Variants in SGSM1 observed in about 807,000 individuals in gnomAD.
SGSM1 encodes small G protein signaling modulator 1.
Under a neutral mutation model 133.8 loss-of-function variants are expected in SGSM1, and 73 were observed. The observed-to-expected ratio is 0.55, with a 90% CI of 0.45 to 0.66. The LOEUF (loss-of-function observed/expected upper bound fraction) is 0.66, where lower values mean the gene tolerates loss of function less well. Ranked by LOEUF, SGSM1 falls within the 30% of genes least tolerant of loss-of-function variation. SGSM1 has a pLI of 0.00. For missense variants in SGSM1, 1,213 were observed against 1,448.1 expected, an observed-to-expected ratio of 0.84 and a Z score of 2.64; for synonymous variants, 563 against 573.0, an observed-to-expected ratio of 0.98 and a Z score of 0.25.
chr22:24,819,446 T>C (rs537932496), intron 2 of SGSM1, among the ~76,000 whole-genome samples: 1 of 152,292 alleles, frequency 6.6e-6, no homozygotes, highest in Non-Finnish European at 1.5e-5. Context: ...TTTATATGCA[T>C]TAGTGTATGT....
At chr22:24,830,290 G>A (rs1929037452) in intron 2 of SGSM1, among the ~76,000 whole-genome samples, 1 of 152,164 alleles carries the variant, frequency 6.6e-6, no homozygotes, top group African/African-American at 2.4e-5. Context: ...CTTGGATCCC[G>A]ACCCTCAGGC....
In SGSM1 at chr22:24,884,080, C is replaced by T. The variant is rs1932473416; in HGVS notation, c.1523C>T (p.Thr508Ile). Residue 508 changes from threonine (T) to isoleucine (I), a missense_variant, in exon 15 of 25, where the codon ACC (threonine) becomes ATC (isoleucine). Coordinates refer to ENST00000400358, the MANE Select transcript of SGSM1 (RefSeq NM_001098497.3). ...CTGGCCTACTGCAGACACCTGTCCA[C>T]CGTGAGAACCCACCTATCAGCCCTG... ...GWLAYCRHLS[T>I]VRTHLSALVN... The T allele has an allele frequency of 1.2e-6, 2 of 1,613,084 alleles. No homozygotes were observed. The highest frequency in any genetic ancestry group is 1.3e-5 in the African/African-American group (1 of 74,912).
chr22:24,832,725 C>T (rs1259106473), intron 2 of SGSM1, among the ~76,000 whole-genome samples: 3 of 152,122 alleles, frequency 2.0e-5, no homozygotes, highest in Admixed American at 6.5e-5. Context: ...TAGGGCTGCC[C>T]TTACGGTACA....
Position 24,924,298 on chromosome 22 carries a change from C to G in SGSM1, c.*24C>G. ...GAGGGGCACCTCACCCCGGCAGCCT[C>G]AGCCAAGCTGCCCCTGCCCCGCTCC... On this transcript the variant is annotated 3_prime_UTR_variant, in exon 25 of 25. Transcript: ENST00000400358. 6.2e-7 allele frequency: 1 copy of G among 1,601,454 alleles called. No individual in the cohort carries two copies. The highest frequency in any genetic ancestry group is 8.6e-7 in the Non-Finnish European group (1 of 1,169,112).
At chr22:24,910,037 A>G (rs1315334612) in intron 21 of SGSM1, among the ~76,000 whole-genome samples, 1 of 152,224 alleles carries the variant, frequency 6.6e-6, no homozygotes, top group Non-Finnish European at 1.5e-5. Context: ...TTCTGATGCA[A>G]ACTACAATGT....
intron 2 of SGSM1, among the ~76,000 whole-genome samples, chr22:24,821,137 A>G (rs1928444814): frequency 6.6e-6 from 1 of 152,094 alleles, no homozygotes; most frequent in African/African-American, 2.4e-5. Context: ...CCTGGGTTCA[A>G]GCGATTCTCC....
chr22:24,842,305 C>G (rs1251403305), intron 2 of SGSM1, among the ~76,000 whole-genome samples: 1 of 152,196 alleles, frequency 6.6e-6, no homozygotes, highest in African/African-American at 2.4e-5. Context: ...ACACCAAATC[C>G]AGTCCTCATA....
chr22:24,923,874 G>C (rs1176907945), intron 24 of SGSM1, among the ~76,000 whole-genome samples: 1 of 152,076 alleles, frequency 6.6e-6, no homozygotes, highest in Non-Finnish European at 1.5e-5. Context: ...CACCTGCCTC[G>C]GCCTCCCAAG....
rs761227413 is a variant in SGSM1, at chr22:24,919,973, A to G, written c.3173A>G (p.Asp1058Gly). 18 of 1,608,590 alleles carry G rather than the reference A, an allele frequency of 1.1e-5. No homozygotes were observed. In the South Asian group the frequency reaches 1.7e-4, roughly 15 times the overall value. The change falls in exon 24 of 25, where the codon GAC (aspartate) becomes GGC (glycine). Residue 1058 changes from aspartate to glycine, a missense_variant. Transcript: ENST00000400358. ...IILENNMDFT[D>G]IIKFFNEMAE... ...TTGGAGAACAACATGGATTTCACAGACATCATCAAATTCTTTAATGGTACC... is the reference window on the plus strand; with the variant it reads ...TTGGAGAACAACATGGATTTCACAGGCATCATCAAATTCTTTAATGGTACC...
intron 4 of SGSM1, among the ~76,000 whole-genome samples, chr22:24,848,062 T>C (rs565556521): frequency 6.6e-6 from 1 of 152,214 alleles, no homozygotes; most frequent in African/African-American, 2.4e-5. Flanking sequence ...CTCCATCTTC[T>C]CTTCCATATC....
chr22:24,893,837 C>G (rs1451750367), intron 17 of SGSM1, among the ~76,000 whole-genome samples: 1 of 152,186 alleles, frequency 6.6e-6, no homozygotes, highest in Non-Finnish European at 1.5e-5. Context: ...ACCTTTTCTT[C>G]TGGGCCTCAG....
chr22:24,841,338 TA>T (rs1310163923), intron 2 of SGSM1, among the ~76,000 whole-genome samples: 1 of 152,098 alleles, frequency 6.6e-6, no homozygotes, highest in African/African-American at 2.4e-5. Flanking sequence ...ATCTCATTTT[TA>T]AAAAAAATGT....
intron 22 of SGSM1, among the ~76,000 whole-genome samples, chr22:24,913,895 G>T (rs1161838714): frequency 6.6e-6 from 1 of 152,020 alleles, no homozygotes; most frequent in Non-Finnish European, 1.5e-5. Context: ...GGTGGCTCAT[G>T]CCTGTAATCC....
intron 2 of SGSM1, among the ~76,000 whole-genome samples, chr22:24,833,918 C>G (rs992201852): frequency 6.6e-6 from 1 of 152,222 alleles, no homozygotes; most frequent in African/African-American, 2.4e-5. Context: ...CTAGAACTTT[C>G]CAAGGTTGGC....
At chr22:24,862,203 G>T (rs1931194911) in intron 9 of SGSM1, among the ~76,000 whole-genome samples, 1 of 152,108 alleles carries the variant, frequency 6.6e-6, no homozygotes, top group South Asian at 2.1e-4. Flanking sequence ...ACCCGTCTCG[G>T]CCTCCCAAAG....
chr22:24,891,669 GTCCT>G (rs1182514596), intron 16 of SGSM1, among the ~76,000 whole-genome samples: 1 of 152,130 alleles, frequency 6.6e-6, no homozygotes, highest in African/African-American at 2.4e-5. Context: ...ATTAGGTGAG[GTCCT>G]TCCCAGTTTC....
At chr22:24,920,043 C>T in intron 24 of SGSM1, 50 bp downstream of exon 24, 1 of 1,540,290 alleles carries the variant, frequency 6.5e-7, no homozygotes. Flanking sequence ...TTCTGGAGGC[C>T]CCTTTTGGGC....
chr22:24,812,483 G>T (rs1927810641), intron 2 of SGSM1, among the ~76,000 whole-genome samples: 1 of 152,206 alleles, frequency 6.6e-6, no homozygotes, highest in Admixed American at 6.5e-5. Flanking sequence ...ACAGTGGGCA[G>T]TGGTGGGCAG....
rs142033333 is a variant in SGSM1 at position 24,897,799 on chromosome 22, AG to A, written c.2023-172del. ...CACTTTCTTATTTGTCACAAATGGG[AG>A]CGTATATTACACCTTGTTTTGCCTC... On this transcript the variant is annotated intron_variant, in intron 18 of 24. Transcript: ENST00000400358. Among the ~76,000 whole-genome samples the A allele has an allele frequency of 7.8e-3, 1,182 of 152,256 alleles. 28 individuals carry two copies. Among genetic ancestry groups the A allele is most frequent in the African/African-American group, 0.027 (1,129 of 41,548 alleles).
Sources: allele counts gnomAD v4.1 joint callset (sites outside exome capture counted in the v4.1 genomes callset), GRCh38; gene constraint gnomAD v4.1.1; transcripts MANE v1.5; gene names NCBI Gene and HGNC (gene_info 2026-07-23, HGNC 2026-07-21).